Variants in CTDSP1 observed in about 807,000 individuals in gnomAD.
The protein encoded by CTDSP1 is carboxy-terminal domain RNA polymerase II polypeptide A small phosphatase 1.
In CTDSP1, 15 loss-of-function variants were observed where a neutral mutation model predicts 32.5. The ratio of observed to expected loss-of-function variants is 0.46; its 90% CI spans 0.31 to 0.71. CTDSP1 has a LOEUF of 0.71. Ranked by LOEUF, CTDSP1 falls within the 30% of genes least tolerant of loss-of-function variation. The probability of loss-of-function intolerance (pLI) is 0.05; values close to 1 mark genes in which losing one functional copy is unlikely to be tolerated. For missense variants in CTDSP1, 294 were observed against 351.1 expected (o/e 0.84, Z 1.30); for synonymous variants, 185 against 145.4 (o/e 1.27, Z -1.96).
intron 6 of CTDSP1, among the ~76,000 whole-genome samples, chr2:218,404,071 A>G (rs1037202641): frequency 1.3e-5 from 2 of 152,240 alleles, no homozygotes; most frequent in African/African-American, 4.8e-5. Context: ...AAAAAAAAAA[A>G]AAGTATCCGA....
Position 218,401,728 on chromosome 2 carries a change from G to C in CTDSP1, c.216+16G>C, listed in dbSNP as rs1161992936. ...CATCCCTAAGGTGCGTGGGGGCCAGGTGGGGCCACGGGGGCACCTGGACTC... is the reference window on the plus strand; with the variant it reads ...CATCCCTAAGGTGCGTGGGGGCCAGCTGGGGCCACGGGGGCACCTGGACTC... On this transcript the variant is annotated intron_variant, in intron 2 of 6. Coordinates refer to ENST00000273062, the MANE Select transcript of CTDSP1 (RefSeq NM_021198.3). 2 of 1,542,930 alleles carry C rather than the reference G, an allele frequency of 1.3e-6. No homozygotes were observed. The highest frequency in any genetic ancestry group is 1.3e-5 in the South Asian group (1 of 79,954).
At chr2:218,399,860 C>A, upstream of CTDSP1, 1 of 1,239,362 alleles carries the variant, frequency 8.1e-7, no homozygotes, top group Non-Finnish European at 1.0e-6. Context: ...CGCCTGGGTT[C>A]CATGTTTGCA....
At chr2:218,404,206 A>G (rs1697301501) in intron 6 of CTDSP1, 91 bp from the exon 7 acceptor site, 4 of 1,492,928 alleles carry the variant, frequency 2.7e-6, no homozygotes, top group Admixed American at 2.0e-5. Context: ...CAGAAACTGC[A>G]TGATCTGAGT....
upstream of CTDSP1, chr2:218,398,358 A>C: frequency 6.7e-7 from 1 of 1,483,418 alleles, no homozygotes; most frequent in South Asian, 1.2e-5. Flanking sequence ...GGGCGCAGCC[A>C]GAGCAGGCCT....
upstream of CTDSP1, among the ~76,000 whole-genome samples, chr2:218,398,066 G>C (rs1475890697): frequency 1.3e-5 from 2 of 152,158 alleles, no homozygotes; most frequent in Non-Finnish European, 2.9e-5. Context: ...AGAGGAAAGC[G>C]CGCCACCCAA....
intron 6 of CTDSP1, 33 bp from the exon 7 acceptor site, chr2:218,404,264 G>T: frequency 1.2e-6 from 2 of 1,608,216 alleles, no homozygotes; most frequent in East Asian, 4.5e-5. Context: ...AGGACCACCT[G>T]CCCCCCTCAT....
Position 218,400,152 on chromosome 2 carries a change from G to A in CTDSP1, c.62G>A (p.Gly21Asp), listed in dbSNP as rs1437024291. The change falls in exon 1 of 7, where the codon GGC (glycine) becomes GAC (aspartate). Residue 21 changes from glycine (G) to aspartate (D), a missense_variant. By Grantham distance (94) the Gly-to-Asp change is moderately conservative. This residue lies in a region of CTDSP1 where 148 missense variants were observed against 113.3 expected (regional missense o/e 1.31). Coordinates refer to ENST00000273062, the MANE Select transcript of CTDSP1 (RefSeq NM_021198.3). Reference protein sequence around the residue: ...SKEEARGPLRGKGDQKSAASQ... With the variant: ...SKEEARGPLRDKGDQKSAASQ... Reference sequence around the variant, plus strand: ...GAGGAGGCTCGGGGCCCGCTGCGGGGCAAAGGTACCGGGGCTGCGGGGAGG... The same window carrying A: ...GAGGAGGCTCGGGGCCCGCTGCGGGACAAAGGTACCGGGGCTGCGGGGAGG... 1.3e-6 allele frequency: 2 copies of A among 1,545,354 alleles called. No homozygotes were observed. Among genetic ancestry groups the A allele is most frequent in the Non-Finnish European group, 1.7e-6 (2 of 1,145,268 alleles).
chr2:218,396,665 C>T (rs1391909252), upstream of CTDSP1: 3 of 152,854 alleles, frequency 2.0e-5, no homozygotes, highest in Admixed American at 6.5e-5. Context: ...CGCCCGCCTC[C>T]TCTGGGTTTG....
chr2:218,405,375 C>G lies in CTDSP1; in HGVS notation c.*950C>G, dbSNP rs549627178. 6.6e-6 allele frequency: 1 copy of G among 152,570 alleles called. No individual in the cohort carries two copies. Among genetic ancestry groups the G allele is most frequent in the Admixed American group, 6.5e-5 (1 of 15,294 alleles). 9.5% of individuals were successfully genotyped at this position (152,570 alleles called of 1,614,324 possible). ...CAGGCCCTGTCCTCTGTCCCTCACA[C>G]CCCTTTGCTCCGTTCATTCATTCAA... On this transcript the variant is annotated 3_prime_UTR_variant, in exon 7 of 7. Coordinates refer to ENST00000273062, the MANE Select transcript of CTDSP1 (RefSeq NM_021198.3).
In CTDSP1 at chr2:218,404,675, C is replaced by G; in HGVS notation, c.*250C>G. 1 of 450,366 alleles carries G rather than the reference C, an allele frequency of 2.2e-6. No homozygotes were observed. Among genetic ancestry groups the G allele is most frequent in the Non-Finnish European group, 3.9e-6 (1 of 253,738 alleles). 27.9% of individuals were successfully genotyped at this position (450,366 alleles called of 1,614,324 possible). A position where few individuals can be genotyped will look rare whatever the true frequency, so the allele number is the denominator to read the frequency against. On this transcript the variant is annotated 3_prime_UTR_variant, in exon 7 of 7. Coordinates refer to ENST00000273062, the MANE Select transcript of CTDSP1 (RefSeq NM_021198.3). Reference sequence around the variant, plus strand: ...CCCTATTCTCAGGGGACCTGGGGGGCCCTGCCTGCTGCTCCCTTTTTCTGT... The same window carrying G: ...CCCTATTCTCAGGGGACCTGGGGGGGCCTGCCTGCTGCTCCCTTTTTCTGT...
Position 218,400,017 on chromosome 2 carries a change from G to T in CTDSP1, c.-74G>T. Reference sequence around the variant, plus strand: ...ACCCCTCCCCTCCCCCCCGCGCCCCGATTCCGGCCCCAGCCGGGGGGGAGG... The same window carrying T: ...ACCCCTCCCCTCCCCCCCGCGCCCCTATTCCGGCCCCAGCCGGGGGGGAGG... On this transcript the variant is annotated 5_prime_UTR_variant, in exon 1 of 7. Transcript: ENST00000273062. The T allele has an allele frequency of 3.3e-6, 2 of 606,856 alleles. No homozygotes were observed. Among genetic ancestry groups the T allele is most frequent in the Non-Finnish European group, 2.2e-6 (1 of 461,316 alleles). The allele number at this position is 606,856 out of a possible 1,614,324, so 37.6% of individuals were successfully genotyped here.
At chr2:218,398,444 A>G (rs1449145384), upstream of CTDSP1, 1 of 1,534,438 alleles carries the variant, frequency 6.5e-7, no homozygotes, top group Admixed American at 2.0e-5. Context: ...ACCCAGGAGC[A>G]GGAGGAGGGC....
chr2:218,404,580 G>A lies in CTDSP1; in HGVS notation c.*155G>A, dbSNP rs1697317437. On this transcript the variant is annotated 3_prime_UTR_variant, in exon 7 of 7. Coordinates refer to ENST00000273062, the MANE Select transcript of CTDSP1 (RefSeq NM_021198.3). ...TCTCCCCCACCAGCCCCACCAGGCG[G>A]TGTAGGGGCAGCAGGCTGCACTGAG... 2 of 914,924 alleles carry A rather than the reference G, an allele frequency of 2.2e-6. No homozygotes were observed. The highest frequency in any genetic ancestry group is 1.6e-6 in the Non-Finnish European group (1 of 614,150). 56.7% of individuals were successfully genotyped at this position (914,924 alleles called of 1,614,324 possible).
intron 3 of CTDSP1, 33 bp downstream of exon 3, chr2:218,402,248 C>CT: frequency 6.2e-7 from 1 of 1,610,830 alleles, no homozygotes; most frequent in South Asian, 1.1e-5. Context: ...CAGCCCGGGT[C>CT]TCGGGGGGCA....
upstream of CTDSP1, chr2:218,398,317 G>A (rs945146613): frequency 3.5e-6 from 4 of 1,129,196 alleles, no homozygotes; most frequent in African/African-American, 3.1e-5. Flanking sequence ...GGTTAAGAAG[G>A]AGGCCGTTCT....
upstream of CTDSP1, chr2:218,398,718 G>A (rs1696947766): frequency 3.1e-6 from 1 of 317,540 alleles, no homozygotes. Context: ...AGAGGGGGAG[G>A]GGAGGAAGTG....
chr2:218,400,552 AC>A (rs1050783340), intron 1 of CTDSP1: 14 of 305,528 alleles, frequency 4.6e-5, no homozygotes, highest in Non-Finnish European at 5.8e-5. Flanking sequence ...CCCCACCCCC[AC>A]CCCCCCGGGC....
chr2:218,399,977 G>T lies in CTDSP1; in HGVS notation c.-114G>T. Reference sequence around the variant, plus strand: ...CTCCCCTCCCCTCCGGAGCTCGCGGGGATCCCTCCCTCCCACCCCTCCCCT... The same window carrying T: ...CTCCCCTCCCCTCCGGAGCTCGCGGTGATCCCTCCCTCCCACCCCTCCCCT... On this transcript the variant is annotated 5_prime_UTR_variant, in exon 1 of 7. Transcript: ENST00000273062. 8.7e-7 allele frequency: 1 copy of T among 1,143,730 alleles called. No individual in the cohort carries two copies. Among genetic ancestry groups the T allele is most frequent in the Non-Finnish European group, 1.1e-6 (1 of 909,104 alleles). The allele number at this position is 1,143,730 out of a possible 1,614,324, so 70.8% of individuals were successfully genotyped here. A position where few individuals can be genotyped will look rare whatever the true frequency, so the allele number is the denominator to read the frequency against.
upstream of CTDSP1, chr2:218,398,458 G>A: frequency 6.5e-7 from 1 of 1,532,532 alleles, no homozygotes; most frequent in Non-Finnish European, 8.7e-7. Context: ...GGAGGGCCGA[G>A]GGATCCAGCC....
Sources: allele counts gnomAD v4.1 joint callset (sites outside exome capture counted in the v4.1 genomes callset), GRCh38; gene constraint gnomAD v4.1.1; regional missense constraint gnomAD v4.1.1; transcripts MANE v1.5; gene names NCBI Gene and HGNC (gene_info 2026-07-23, HGNC 2026-07-21).